Variants in FER observed in about 807,000 individuals in gnomAD.
FER encodes the protein tyrosine-protein kinase Fer.
In FER, 63 loss-of-function variants were observed where a neutral mutation model predicts 111.0. The ratio of observed to expected loss-of-function variants is 0.57; its 90% CI spans 0.46 to 0.70. The LOEUF (loss-of-function observed/expected upper bound fraction) is 0.70. Ranked by LOEUF, FER falls within the 30% of genes least tolerant of loss-of-function variation. FER has a pLI of 0.00. For synonymous variants in FER, 327 were observed against 313.9 expected (o/e 1.04, Z -0.44); for missense variants, 914 against 954.0 (o/e 0.96, Z 0.55).
intron 13 of FER, among the ~76,000 whole-genome samples, chr5:109,007,587 T>C (rs1189973083): frequency 1.3e-5 from 2 of 152,236 alleles, no homozygotes; most frequent in Admixed American, 1.3e-4. Flanking sequence ...TTCATCTGTA[T>C]TGTTGCACAA....
chr5:109,173,045 C>A (rs1757309327), intron 17 of FER, among the ~76,000 whole-genome samples: 2 of 152,282 alleles, frequency 1.3e-5, no homozygotes, highest in East Asian at 3.9e-4. Flanking sequence ...AGTATGAGTT[C>A]TCTTTCTTTA....
rs1244642391 is a variant in FER, at chr5:109,187,589, C to G, written c.*14C>G. The G allele has an allele frequency of 6.2e-7, 1 of 1,613,792 alleles. No individual in the cohort carries two copies. The highest frequency in any genetic ancestry group is 8.5e-7 in the Non-Finnish European group (1 of 1,179,950). On this transcript the variant is annotated 3_prime_UTR_variant, in exon 20 of 20. Transcript: ENST00000281092. ...AAACTCACATAGTGACAGGATGGCGCCAAACTCAGCCTTCAGGACTCTGTC... is the reference window on the plus strand; with the variant it reads ...AAACTCACATAGTGACAGGATGGCGGCAAACTCAGCCTTCAGGACTCTGTC...
At chr5:108,841,066 A>G (rs1277130752) in intron 5 of FER, among the ~76,000 whole-genome samples, 1 of 152,214 alleles carries the variant, frequency 6.6e-6, no homozygotes, top group Non-Finnish European at 1.5e-5. Flanking sequence ...TAAAGAGGGA[A>G]TAAAAAGCTG....
chr5:109,150,976 A>G (rs1754773739), intron 17 of FER, among the ~76,000 whole-genome samples: 1 of 152,176 alleles, frequency 6.6e-6, no homozygotes, highest in Admixed American at 6.5e-5. Context: ...GAAATAAGTA[A>G]TGGGCTCTAA....
chr5:108,877,392 A>G (rs1765196145), intron 8 of FER, among the ~76,000 whole-genome samples: 1 of 152,182 alleles, frequency 6.6e-6, no homozygotes, highest in African/African-American at 2.4e-5. Flanking sequence ...AAGAAAGCAG[A>G]TGGATTTGTT....
chr5:108,792,764 G>T (rs566599287), intron 2 of FER, among the ~76,000 whole-genome samples: 114 of 151,146 alleles, frequency 7.5e-4, no homozygotes, highest in Non-Finnish European at 1.3e-3. Context: ...TTCATTTTTG[G>T]ATTGTTCAAT....
In FER at chr5:109,004,384, C is replaced by G. The variant is rs114201057; in HGVS notation, c.1657-33038C>G. Among the ~76,000 whole-genome samples the G allele has an allele frequency of 3.2e-3, 490 of 152,134 alleles. 3 individuals carry two copies. Among genetic ancestry groups the G allele is most frequent in the African/African-American group, 0.011 (463 of 41,506 alleles). The stretch of plus-strand genomic sequence containing the variant: ...TATCCTTTTTCAAATACTGCTATTT[C>G]TAGGAATGTATTATAAATAAATATT... On this transcript the variant is annotated intron_variant, in intron 13 of 19. Transcript: ENST00000281092.
intron 17 of FER, among the ~76,000 whole-genome samples, chr5:109,160,496 T>G (rs1381729724): frequency 6.6e-6 from 1 of 152,198 alleles, no homozygotes; most frequent in Admixed American, 6.6e-5. Flanking sequence ...CAGTCGTAAC[T>G]TGCTGTGCAA....
intron 1 of FER, among the ~76,000 whole-genome samples, chr5:108,750,830 C>G (rs1441362235): frequency 6.6e-6 from 1 of 152,154 alleles, no homozygotes; most frequent in Non-Finnish European, 1.5e-5. Context: ...TTAGCAATAA[C>G]GATTTCAAGA....
rs545556267 is a variant in FER at position 109,028,342 on chromosome 5, A to T, written c.1657-9080A>T. Among the ~76,000 whole-genome samples the T allele has an allele frequency of 7.9e-5, 12 of 152,256 alleles. No homozygotes were observed. In the South Asian group the frequency reaches 2.1e-3, roughly 26 times the overall value. On this transcript the variant is annotated intron_variant, in intron 13 of 19. Transcript: ENST00000281092. ...AAATAATTTCAAACAAAGTATGTAA[A>T]TCATAAGTTAAAAAATCTGTTAGGA...
At chr5:109,162,623 A>C (rs1020115940) in intron 17 of FER, among the ~76,000 whole-genome samples, 1 of 152,152 alleles carries the variant, frequency 6.6e-6, no homozygotes, top group African/African-American at 2.4e-5. Flanking sequence ...AAGCATTTTA[A>C]TACATTTATT....
chr5:108,866,900 A>G (rs935821824), intron 5 of FER, among the ~76,000 whole-genome samples: 2 of 152,162 alleles, frequency 1.3e-5, no homozygotes, highest in Admixed American at 6.6e-5. Flanking sequence ...TGTTTTCTAA[A>G]TGACTAGTAA....
chr5:108,867,694 G>A (rs987062388), intron 5 of FER, 73 bp from the exon 6 acceptor site: 1 of 1,375,700 alleles, frequency 7.3e-7, no homozygotes, highest in African/African-American at 1.5e-5. Flanking sequence ...TAGTAATTCA[G>A]TTTGTATGTA....
At chr5:108,765,033 G>A (rs1030104851) in intron 1 of FER, among the ~76,000 whole-genome samples, 1 of 152,180 alleles carries the variant, frequency 6.6e-6, no homozygotes, top group Admixed American at 6.5e-5. Flanking sequence ...TCAGGGAATA[G>A]GAACTATTTT....
intron 16 of FER, among the ~76,000 whole-genome samples, chr5:109,066,892 GAA>G (rs761499574): frequency 7.2e-5 from 11 of 151,976 alleles, no homozygotes; most frequent in Non-Finnish European, 1.6e-4. Flanking sequence ...ATTTTGATAT[GAA>G]AAAAAGTGAT....
At chr5:109,140,538 A>G (rs967309916) in intron 17 of FER, among the ~76,000 whole-genome samples, 2 of 152,222 alleles carry the variant, frequency 1.3e-5, no homozygotes, top group African/African-American at 4.8e-5. Flanking sequence ...TAAAATTGTC[A>G]TCAGAAAGCT....
chr5:109,154,615 A>G (rs998162223), intron 17 of FER, among the ~76,000 whole-genome samples: 4 of 151,912 alleles, frequency 2.6e-5, no homozygotes, highest in Non-Finnish European at 5.9e-5. Flanking sequence ...CTCGTTTAAG[A>G]CATAGTTTAC....
chr5:108,915,847 A>C (rs2150368208), intron 10 of FER, among the ~76,000 whole-genome samples: 1 of 152,308 alleles, frequency 6.6e-6, no homozygotes, highest in East Asian at 1.9e-4. Context: ...GAGGCAGATA[A>C]AAGGACAAAC....
chr5:109,155,086 C>A (rs1755224380), intron 17 of FER, among the ~76,000 whole-genome samples: 2 of 151,944 alleles, frequency 1.3e-5, no homozygotes, highest in Non-Finnish European at 3.0e-5. Context: ...TTTTTACTCC[C>A]TAGTTCAAAA....
Sources: gnomAD v4.1 joint callset for allele counts (sites outside exome capture counted in the v4.1 genomes callset) on GRCh38, gnomAD v4.1.1 for gene constraint, MANE v1.5 for transcripts, NCBI Gene and HGNC (gene_info 2026-07-23, HGNC 2026-07-21) for gene names.